The following FSD2 variants were observed in gnomAD, a reference collection of about 807,000 sequenced individuals.
FSD2 encodes the protein fibronectin type III and SPRY domain-containing protein 2.
Under a neutral mutation model 80.4 loss-of-function variants are expected in FSD2, and 71 were observed. The ratio of observed to expected loss-of-function variants is 0.88; its 90% confidence interval spans 0.73 to 1.08. FSD2 has a LOEUF of 1.08. FSD2 is among the 50% of genes least tolerant of loss of function. The pLI, the probability that FSD2 is intolerant of heterozygous loss-of-function variation, is 0.00. For synonymous variants in FSD2, 361 were observed against 329.5 expected (o/e 1.10, Z -1.03); for missense variants, 923 against 913.8 (o/e 1.01, Z -0.13).
At chr15:82,795,201 G>A (rs968214862) in intron 1 of FSD2, among the ~76,000 whole-genome samples, 2 of 151,944 alleles carry the variant, frequency 1.3e-5, no homozygotes, top group African/African-American at 2.4e-5. Flanking sequence ...TGAATCTAAC[G>A]TGTGTATCTT....
At chr15:82,790,884 C>T (rs182486901) in intron 1 of FSD2, among the ~76,000 whole-genome samples, 3 of 149,822 alleles carry the variant, frequency 2.0e-5, no homozygotes, top group Admixed American at 2.0e-4. Flanking sequence ...CACGCCCGGC[C>T]CATTGTGTTT....
chr15:82,789,344 T>A (rs1432797242), intron 1 of FSD2, among the ~76,000 whole-genome samples: 1 of 143,786 alleles, frequency 7.0e-6, no homozygotes, highest in Non-Finnish European at 1.5e-5. Flanking sequence ...GTACATAAAG[T>A]CTAGAAGGAT....
intron 8 of FSD2, 41 bp from the exon 9 acceptor site, chr15:82,769,071 T>G: frequency 6.8e-7 from 1 of 1,472,232 alleles, no homozygotes; most frequent in Non-Finnish European, 9.0e-7. Flanking sequence ...ACTGTTGTGT[T>G]CATTTCCAGC....
chr15:82,786,865 C>A lies in FSD2; in HGVS notation c.526G>T (p.Ala176Ser). The A allele has an allele frequency of 6.2e-7, 1 of 1,614,020 alleles. No individual in the cohort carries two copies. Residue 176 changes from alanine (A) to serine (S), a missense_variant, in exon 2 of 13, where the codon GCT (alanine) becomes TCT (serine). Coordinates refer to ENST00000334574, the MANE Select transcript of FSD2 (RefSeq NM_001007122.4). The part of the protein sequence containing the change: ...IPEEEDEEEA[A>S]DVFCVTCKTP... ...TTACAAGTGACACAGAAGACATCAG[C>A]AGCTTCTTCTTCATCCTCTTCCTCG...
intron 7 of FSD2, 23 bp from the exon 8 acceptor site, chr15:82,769,907 A>G (rs780186714): frequency 6.2e-7 from 1 of 1,612,110 alleles, no homozygotes; most frequent in African/African-American, 1.3e-5. Flanking sequence ...AAAGATAAGA[A>G]TTCAACCCTA....
chr15:82,786,393 T>A, intron 3 of FSD2, 118 bp downstream of exon 3: 1 of 745,578 alleles, frequency 1.3e-6, no homozygotes, highest in Non-Finnish European at 2.3e-6. Flanking sequence ...GAAGGGGGAG[T>A]GGTGACCCCT....
In FSD2 at chr15:82,772,129, C is replaced by T; in HGVS notation, c.1211G>A (p.Ser404Asn). The stretch of plus-strand genomic sequence containing the variant: ...CACTGGCCGGTAGGACAGCTGATAG[C>T]TCTCCACAGTGTCGTCGGAGTATAA... ...WSLYSDDTVE[S>N]YQLSYRPVQD... Residue 404 changes from serine to asparagine, a missense_variant, in exon 7 of 13, where the codon AGC becomes AAC. Coordinates refer to ENST00000334574, the MANE Select transcript of FSD2 (RefSeq NM_001007122.4). 1 of 1,608,982 alleles carries T rather than the reference C, an allele frequency of 6.2e-7. No homozygotes were observed. The highest frequency in any genetic ancestry group is 1.1e-5 in the South Asian group (1 of 89,950).
At chr15:82,799,089 G>C (rs947677246) in intron 1 of FSD2, among the ~76,000 whole-genome samples, 2 of 152,008 alleles carry the variant, frequency 1.3e-5, no homozygotes, top group Admixed American at 1.3e-4. Context: ...TGTTGCCCAG[G>C]CTGGTCTCAA....
rs745588395 is a variant in FSD2, at chr15:82,768,896, C to A, written c.1537G>T (p.Ala513Ser). Reference protein sequence around the residue: ...VELTQAESPEASGVTESVVGI... With the variant: ...VELTQAESPESSGVTESVVGI... Reference sequence around the variant, plus strand: ...ATGACTCACTCAGTTACACCCGAGGCTTCTGGACTTTCAGCCTGGGTCAGC... The same window carrying A: ...ATGACTCACTCAGTTACACCCGAGGATTCTGGACTTTCAGCCTGGGTCAGC... Residue 513 changes from alanine (A) to serine (S), a missense_variant, in exon 9 of 13, where the codon GCC becomes TCC. Coordinates refer to ENST00000334574, the MANE Select transcript of FSD2 (RefSeq NM_001007122.4). 2 of 1,565,880 alleles carry A rather than the reference C, an allele frequency of 1.3e-6. No homozygotes were observed. Among genetic ancestry groups the A allele is most frequent in the African/African-American group, 1.4e-5 (1 of 73,108 alleles).
intron 4 of FSD2, among the ~76,000 whole-genome samples, chr15:82,781,407 T>C (rs2151511979): frequency 6.6e-6 from 1 of 152,268 alleles, no homozygotes; most frequent in South Asian, 2.1e-4. Flanking sequence ...TGGTTGGGCT[T>C]TGAGGGGCGA....
chr15:82,769,890 GA>G lies in FSD2; in HGVS notation c.1268-7del, dbSNP rs746324032. On this transcript the variant is annotated splice_polypyrimidine_tract_variant and splice_region_variant and intron_variant, in intron 7 of 12. Coordinates refer to ENST00000334574, the MANE Select transcript of FSD2 (RefSeq NM_001007122.4). Reference sequence around the variant, plus strand: ...TTTGACAGTCACTGTAAACTCTGGGGAAAAAAAAAGATAAGAATTCAACCCT... The same window carrying G: ...TTTGACAGTCACTGTAAACTCTGGGGAAAAAAAAGATAAGAATTCAACCCT... 3.3e-5 allele frequency: 52 copies of G among 1,597,562 alleles called. No homozygotes were observed. Among genetic ancestry groups the G allele is most frequent in the Middle Eastern group, 1.7e-4 (1 of 5,992 alleles).
rs564634492 is a variant in FSD2, at chr15:82,774,750, T to C, written c.1112-2522A>G. ...TTTTTTTTCTTTTTTTGAGACGGAG[T>C]CTCGCTCTGTCACCAGTTTGGAGTG... On this transcript the variant is annotated intron_variant, in intron 6 of 12. Coordinates refer to ENST00000334574, the MANE Select transcript of FSD2 (RefSeq NM_001007122.4). Among the ~76,000 whole-genome samples the C allele has an allele frequency of 3.3e-4, 50 of 150,334 alleles. No individual in the cohort carries two copies. In the South Asian group the frequency reaches 8.0e-3, roughly 24 times the overall value.
intron 1 of FSD2, among the ~76,000 whole-genome samples, chr15:82,801,362 C>T (rs1331675489): frequency 6.6e-6 from 1 of 152,182 alleles, no homozygotes; most frequent in African/African-American, 2.4e-5. Flanking sequence ...CCTCACATTT[C>T]CCTCCATGGG....
chr15:82,770,782 T>G (rs2049549385), intron 7 of FSD2, among the ~76,000 whole-genome samples: 1 of 152,212 alleles, frequency 6.6e-6, no homozygotes, highest in African/African-American at 2.4e-5. Flanking sequence ...AACTCCAGAC[T>G]TCCCCAGAAT....
chr15:82,800,521 G>A (rs553827648), intron 1 of FSD2, among the ~76,000 whole-genome samples: 11 of 151,656 alleles, frequency 7.3e-5, no homozygotes, highest in South Asian at 2.1e-4. Flanking sequence ...GTGAAACCCC[G>A]TCTCTACTAA....
In FSD2 at chr15:82,759,121, T is replaced by A. The variant is rs1344123646; in HGVS notation, c.*227A>T. ...GAGTTCGTTTAGTCTGAGCCTTTATTTTACAGCTGGGCCTGGTAATGACTA... is the reference window on the plus strand; with the variant it reads ...GAGTTCGTTTAGTCTGAGCCTTTATATTACAGCTGGGCCTGGTAATGACTA... On this transcript the variant is annotated 3_prime_UTR_variant, in exon 13 of 13. Coordinates refer to ENST00000334574, the MANE Select transcript of FSD2 (RefSeq NM_001007122.4). 4 of 520,332 alleles carry A rather than the reference T, an allele frequency of 7.7e-6. No homozygotes were observed. The highest frequency in any genetic ancestry group is 1.9e-5 in the African/African-American group (1 of 52,214). The allele number at this position is 520,332 out of a possible 1,614,324, so 32.2% of individuals were successfully genotyped here.
At chr15:82,770,009 C>G in intron 7 of FSD2, 125 bp from the exon 8 acceptor site, 1 of 1,016,688 alleles carries the variant, frequency 9.8e-7, no homozygotes. Flanking sequence ...CCTGTATGCA[C>G]TCCCTCTGCA....
intron 7 of FSD2, among the ~76,000 whole-genome samples, chr15:82,770,613 G>A (rs898798202): frequency 1.3e-5 from 2 of 152,162 alleles, no homozygotes; most frequent in Non-Finnish European, 2.9e-5. Context: ...GGAGGTTGCA[G>A]TGAGCTGAGA....
intron 1 of FSD2, among the ~76,000 whole-genome samples, chr15:82,789,184 G>A (rs556751758): frequency 1.3e-5 from 2 of 151,974 alleles, no homozygotes; most frequent in East Asian, 1.9e-4. Context: ...AAGTAAACTC[G>A]GGGATGTACA....
Sources: gnomAD v4.1 joint callset for allele counts (sites outside exome capture counted in the v4.1 genomes callset) on GRCh38, gnomAD v4.1.1 for gene constraint, MANE v1.5 for transcripts, NCBI Gene and HGNC (gene_info 2026-07-23, HGNC 2026-07-21) for gene names.